NEDD4: variants seen among roughly 807,000 people sequenced by gnomAD.
NEDD4 encodes E3 ubiquitin-protein ligase NEDD4.
NEDD4 carries 99 observed loss-of-function variants against 144.9 expected under a neutral mutation model. The ratio of observed to expected loss-of-function variants is 0.68; its 90% CI spans 0.58 to 0.81. NEDD4 has a LOEUF of 0.81. NEDD4 is among the 30% of genes least tolerant of loss of function. The pLI is 0.00. For missense variants in NEDD4, 985 were observed against 1,065.9 expected, an observed-to-expected ratio of 0.92 and a Z score of 1.06; for synonymous variants, 318 against 350.6, an observed-to-expected ratio of 0.91 and a Z score of 1.04.
intron 2 of NEDD4, among the ~76,000 whole-genome samples, chr15:55,965,982 G>T (rs918998054): frequency 2.6e-5 from 4 of 152,016 alleles, no homozygotes; most frequent in South Asian, 2.1e-4. Context: ...CCAAAGTTTG[G>T]ATTCTGCTAT....
chr15:55,891,112 T>A (rs1350327957), intron 5 of NEDD4, among the ~76,000 whole-genome samples: 1 of 152,218 alleles, frequency 6.6e-6, no homozygotes, highest in Non-Finnish European at 1.5e-5. Flanking sequence ...AAATCCCACA[T>A]GGTGAGAATT....
intron 5 of NEDD4, among the ~76,000 whole-genome samples, chr15:55,921,935 C>A (rs1306598441): frequency 1.3e-5 from 2 of 152,216 alleles, no homozygotes; most frequent in Admixed American, 6.5e-5. Context: ...CAAATGTGAG[C>A]TGTCCCTCCT....
At chr15:55,954,375 C>A (rs1360530692) in intron 2 of NEDD4, among the ~76,000 whole-genome samples, 1 of 152,070 alleles carries the variant, frequency 6.6e-6, no homozygotes, top group African/African-American at 2.4e-5. Flanking sequence ...TACATTTTCC[C>A]TTTCCAGTCT....
chr15:55,980,793 GGT>G (rs148017681), intron 1 of NEDD4, among the ~76,000 whole-genome samples: 1,940 of 148,774 alleles, frequency 0.013, 23 homozygotes, highest in African/African-American at 0.033. Flanking sequence ...TGTGTGTAGG[GGT>G]GTGTGTGTGT....
At position 55,868,321 on chromosome 15, in the gene NEDD4, C is replaced by G. The variant is rs2034655550; in HGVS notation, c.507+1258G>C. Among the ~76,000 whole-genome samples, 5 of 152,152 alleles carry G rather than the reference C, an allele frequency of 3.3e-5. 1 individual carries two copies. The highest frequency in any genetic ancestry group is 3.3e-4 in the Admixed American group (5 of 15,278). On this transcript the variant is annotated intron_variant, in intron 8 of 28. Transcript: ENST00000435532. Reference sequence around the variant, plus strand: ...AAGCAAGGCAACAAATAAGAACCCTCCAGAGCAATTTGGTGCCATACGCTG... The same window carrying G: ...AAGCAAGGCAACAAATAAGAACCCTGCAGAGCAATTTGGTGCCATACGCTG...
intron 1 of NEDD4, among the ~76,000 whole-genome samples, chr15:55,977,544 A>C (rs570083902): frequency 1.3e-5 from 2 of 152,310 alleles, no homozygotes; most frequent in South Asian, 4.1e-4. Context: ...ACAACACAAA[A>C]AACTCTGACT....
At chr15:55,973,777 C>G (rs1300818196) in intron 1 of NEDD4, among the ~76,000 whole-genome samples, 5 of 149,156 alleles carry the variant, frequency 3.4e-5, no homozygotes, top group Admixed American at 2.7e-4. Context: ...AGAGCAAAAG[C>G]AGTACTAAAA....
intron 7 of NEDD4, among the ~76,000 whole-genome samples, chr15:55,869,889 A>AATAAATAAATAAATC (rs1566922535): frequency 1.3e-5 from 2 of 149,980 alleles, no homozygotes; most frequent in Admixed American, 6.6e-5. Context: ...ATAAATAAAT[A>AATAAATAAATAAATC]AATAATTGTT....
At chr15:55,844,785 G>A (rs1311945715) in intron 18 of NEDD4, among the ~76,000 whole-genome samples, 16 of 150,856 alleles carry the variant, frequency 1.1e-4, no homozygotes, top group African/African-American at 3.2e-4. Context: ...GACAGTGCAC[G>A]GCTTTCAAGC....
rs554073197 is a variant in NEDD4 at position 55,938,868 on chromosome 15, G to C, written c.237+12508C>G. Reference sequence around the variant, plus strand: ...TGCCTGTGATCTCAGCACTTTGGGAGGGCAAGGCAGGAGGATCACTTGAAT... The same window carrying C: ...TGCCTGTGATCTCAGCACTTTGGGACGGCAAGGCAGGAGGATCACTTGAAT... On this transcript the variant is annotated intron_variant, in intron 4 of 28. Coordinates refer to ENST00000435532, the MANE Select transcript of NEDD4 (RefSeq NM_006154.4). 9.9e-5 allele frequency among the ~76,000 whole-genome samples: 15 copies of C among 152,164 alleles called. No individual in the cohort carries two copies. The South Asian group carries it at 1.7e-3, about 17-fold the overall frequency.
chr15:55,840,659 T>G lies in NEDD4; in HGVS notation c.1907A>C (p.Lys636Thr). Residue 636 changes from lysine (K) to threonine (T), a missense_variant, in exon 20 of 29, where the codon AAG (lysine) becomes ACG (threonine). By Grantham distance (78) the Lys-to-Thr change is moderately conservative. Coordinates refer to ENST00000435532, the MANE Select transcript of NEDD4 (RefSeq NM_006154.4). ...CATTCCAGCTACCCGACCAATAAAC[T>G]TGAAGTAAGAGAGGTGATCTTCGTT... is the stretch of plus-strand genomic sequence containing the variant. ...LCNEDHLSYF[K>T]FIGRVAGMAV... is the part of the protein sequence containing the mutation. The G allele has an allele frequency of 6.2e-7, 1 of 1,614,132 alleles. No individual in the cohort carries two copies. Among genetic ancestry groups the G allele is most frequent in the African/African-American group, 1.3e-5 (1 of 75,068 alleles).
intron 8 of NEDD4, among the ~76,000 whole-genome samples, chr15:55,868,344 CTG>C (rs2034656533): frequency 6.6e-6 from 1 of 152,180 alleles, no homozygotes. Flanking sequence ...GTGCCATACG[CTG>C]TGTGCTTTGC....
At chr15:55,929,122 G>A (rs1595853335) in intron 4 of NEDD4, among the ~76,000 whole-genome samples, 1 of 152,144 alleles carries the variant, frequency 6.6e-6, no homozygotes, top group African/African-American at 2.4e-5. Flanking sequence ...GGCAGAGGAA[G>A]CTGAAAACCA....
intron 9 of NEDD4, among the ~76,000 whole-genome samples, chr15:55,861,139 A>G (rs538613480): frequency 3.9e-4 from 60 of 152,332 alleles, no homozygotes; most frequent in African/African-American, 1.4e-3. Flanking sequence ...CCATGTTATT[A>G]TAAGAGTAAT....
intron 2 of NEDD4, among the ~76,000 whole-genome samples, chr15:55,959,118 A>C (rs2037386182): frequency 6.6e-6 from 1 of 151,584 alleles, no homozygotes; most frequent in African/African-American, 2.4e-5. Flanking sequence ...CAAAACATTC[A>C]TTTATATCTT....
intron 9 of NEDD4, among the ~76,000 whole-genome samples, chr15:55,862,562 A>C (rs1198504338): frequency 1.3e-5 from 2 of 152,174 alleles, no homozygotes; most frequent in Non-Finnish European, 2.9e-5. Flanking sequence ...TATAGAAATT[A>C]ACATTTTATT....
chr15:55,850,690 T>TG lies in NEDD4; in HGVS notation c.1198dup (p.Gln400ProfsTer8). 6.2e-7 allele frequency: 1 copy of TG among 1,614,066 alleles called. No homozygotes were observed. Among genetic ancestry groups the TG allele is most frequent in the Admixed American group, 1.7e-5 (1 of 60,026 alleles). On this transcript the variant is annotated frameshift_variant, in exon 14 of 29. Transcript: ENST00000435532. LOFTEE classifies it high-confidence loss of function. ...TGAATCACTGGTGGAGGCTTGTGAT[T>TG]GAGGGCCTGCAGAACTCTGGCTTGA...
Position 55,829,877 on chromosome 15 carries a change from TAC to T in NEDD4, c.*18_*19del, listed in dbSNP as rs1566893018. ...TATAAAACTATGGCAGTAAAAACACTACAGATTGTTATTTGTAATCTAATCAA... is the reference window on the plus strand; with the variant it reads ...TATAAAACTATGGCAGTAAAAACACTAGATTGTTATTTGTAATCTAATCAA... On this transcript the variant is annotated 3_prime_UTR_variant, in exon 29 of 29. Transcript: ENST00000435532. 1 of 1,588,084 alleles carries T rather than the reference TAC, an allele frequency of 6.3e-7. No homozygotes were observed. The highest frequency in any genetic ancestry group is 8.6e-7 in the Non-Finnish European group (1 of 1,162,172).
At chr15:55,909,412 A>G (rs1211767691) in intron 5 of NEDD4, among the ~76,000 whole-genome samples, 11 of 152,164 alleles carry the variant, frequency 7.2e-5, no homozygotes, top group Admixed American at 5.9e-4. Context: ...TTTTGAAATT[A>G]CTGTATCTCT....
Sources: gnomAD v4.1 joint callset for allele counts (sites outside exome capture counted in the v4.1 genomes callset) on GRCh38, gnomAD v4.1.1 for gene constraint, MANE v1.5 for transcripts, NCBI Gene and HGNC (gene_info 2026-07-23, HGNC 2026-07-21) for gene names.